Variants in HSF2BP observed in about 807,000 individuals in gnomAD.
The protein encoded by HSF2BP is heat shock transcription factor 2 binding protein.
HSF2BP carries 35 observed loss-of-function variants against 35.0 expected under a neutral mutation model. That is an observed-to-expected ratio of 1.00 (90% CI 0.76 to 1.32). The LOEUF is 1.32. Ranked by LOEUF, HSF2BP falls within the 40% of genes most tolerant of loss-of-function variation. The pLI is 0.00. For missense variants in HSF2BP, 326 were observed against 321.7 expected (o/e 1.01, Z -0.10); for synonymous variants, 114 against 117.4 (o/e 0.97, Z 0.18).
At chr21:43,634,346 C>T (rs1232240691) in intron 4 of HSF2BP, among the ~76,000 whole-genome samples, 1 of 152,180 alleles carries the variant, frequency 6.6e-6, no homozygotes, top group Non-Finnish European at 1.5e-5. Context: ...CCTCTCCAAC[C>T]ACCAGCACCA....
chr21:43,506,794 C>T, the HSF2BP span, among the ~76,000 whole-genome samples: 1 of 98,718 alleles, frequency 1.0e-5, no homozygotes, highest in Non-Finnish European at 2.4e-5. Flanking sequence ...GCCCCACAGC[C>T]ACCGCAGGCC....
chr21:43,635,758 A>C (rs1370629703), intron 4 of HSF2BP, among the ~76,000 whole-genome samples: 5 of 152,086 alleles, frequency 3.3e-5, no homozygotes, highest in African/African-American at 1.2e-4. Context: ...CTCTACTAAA[A>C]ATACAAAAGT....
intron 2 of HSF2BP, 66 bp downstream of exon 2, chr21:43,657,995 G>C (rs1407977957): frequency 6.5e-7 from 1 of 1,532,502 alleles, no homozygotes; most frequent in South Asian, 1.2e-5. Context: ...CACGGGGCGA[G>C]GCCCTGAGGG....
At chr21:43,613,380 C>T (rs1292524528) in intron 7 of HSF2BP, among the ~76,000 whole-genome samples, 1 of 152,188 alleles carries the variant, frequency 6.6e-6, no homozygotes, top group Admixed American at 6.5e-5. Flanking sequence ...TGAAAAGATC[C>T]CACCCTGGAA....
intron 4 of HSF2BP, among the ~76,000 whole-genome samples, chr21:43,642,227 C>T (rs1310263717): frequency 1.3e-5 from 2 of 152,066 alleles, no homozygotes; most frequent in African/African-American, 4.8e-5. Flanking sequence ...AGCTGGATGT[C>T]ATGGCACATC....
At chr21:43,606,014 T>A (rs1325731325) in intron 7 of HSF2BP, among the ~76,000 whole-genome samples, 1 of 151,536 alleles carries the variant, frequency 6.6e-6, no homozygotes, top group African/African-American at 2.4e-5. Flanking sequence ...GCGGCCACAC[T>A]CACACCCTTG....
At chr21:43,607,535 G>A (rs988326927) in intron 7 of HSF2BP, among the ~76,000 whole-genome samples, 5 of 152,104 alleles carry the variant, frequency 3.3e-5, no homozygotes, top group Admixed American at 2.6e-4. Context: ...GCAATCTACA[G>A]ATTCAATGCT....
At chr21:43,611,150 C>T (rs1311623847) in intron 7 of HSF2BP, among the ~76,000 whole-genome samples, 1 of 152,002 alleles carries the variant, frequency 6.6e-6, no homozygotes, top group Non-Finnish European at 1.5e-5. Context: ...GAAGGCTGAG[C>T]TGGGAGGATA....
At chr21:43,618,043 G>A (rs2082290571) in intron 6 of HSF2BP, among the ~76,000 whole-genome samples, 1 of 152,076 alleles carries the variant, frequency 6.6e-6, no homozygotes, top group South Asian at 2.1e-4. Flanking sequence ...AGGATCACTT[G>A]AGTCTAGAAG....
rs577715317 is a variant in HSF2BP at position 43,612,511 on chromosome 21, C to T, written c.692+1319G>A. ...CTAAAAATACAAAAAATTAGCTGGG[C>T]GTGGTGGCGGGCGCCTGTAGTCCCA... On this transcript the variant is annotated intron_variant, in intron 7 of 8. Coordinates refer to ENST00000291560, the MANE Select transcript of HSF2BP (RefSeq NM_007031.2). 2.2e-4 allele frequency among the ~76,000 whole-genome samples: 33 copies of T among 152,104 alleles called. 1 individual carries two copies. In the South Asian group the frequency reaches 4.2e-3, roughly 19 times the overall value.
Position 43,585,962 on chromosome 21 carries a change from G to A in HSF2BP, c.796+6263C>T, listed in dbSNP as rs192999657. 1.5e-3 allele frequency among the ~76,000 whole-genome samples: 235 copies of A among 152,296 alleles called. 2 individuals are homozygous for A. Among genetic ancestry groups the A allele is most frequent in the African/African-American group, 5.3e-3 (222 of 41,566 alleles). ...AGCTCAATCTATGAGGCTAGAGCTC[G>A]GGACAGAGGTCTGGGCTGAAGGCAC... On this transcript the variant is annotated intron_variant, in intron 8 of 8. Transcript: ENST00000291560.
intron 2 of HSF2BP, among the ~76,000 whole-genome samples, chr21:43,657,540 T>A (rs541729124): frequency 3.9e-5 from 6 of 152,154 alleles, no homozygotes; most frequent in Non-Finnish European, 8.8e-5. Context: ...ATTGTCTAGA[T>A]GGAAATTAAG....
intron 8 of HSF2BP, among the ~76,000 whole-genome samples, chr21:43,577,804 T>G (rs2081662761): frequency 6.6e-6 from 1 of 152,220 alleles, no homozygotes; most frequent in African/African-American, 2.4e-5. Context: ...GATCTGTTCC[T>G]GCCCCACCCT....
the HSF2BP span, among the ~76,000 whole-genome samples, chr21:43,467,743 C>G: frequency 1.1e-5 from 1 of 89,060 alleles, no homozygotes; most frequent in Non-Finnish European, 2.2e-5. Context: ...ACACCACAAA[C>G]CACACACCAC....
intron 7 of HSF2BP, among the ~76,000 whole-genome samples, chr21:43,607,910 C>T (rs1322016710): frequency 2.6e-5 from 4 of 152,174 alleles, no homozygotes; most frequent in Non-Finnish European, 5.9e-5. Context: ...ACGAATGAAA[C>T]TGGACCACTA....
intron 3 of HSF2BP, among the ~76,000 whole-genome samples, chr21:43,651,899 C>A (rs1447994478): frequency 6.6e-6 from 1 of 152,242 alleles, no homozygotes; most frequent in Non-Finnish European, 1.5e-5. Context: ...CTTGCCCAGT[C>A]CTCCCAAAGG....
intron 6 of HSF2BP, among the ~76,000 whole-genome samples, chr21:43,628,329 T>C (rs1331132601): frequency 6.6e-6 from 1 of 152,224 alleles, no homozygotes; most frequent in African/African-American, 2.4e-5. Flanking sequence ...AACACATGAA[T>C]GATAAGAACG....
intron 3 of HSF2BP, among the ~76,000 whole-genome samples, chr21:43,653,840 T>C (rs968070835): frequency 2.0e-5 from 3 of 152,074 alleles, no homozygotes; most frequent in Non-Finnish European, 4.4e-5. Context: ...ATCCATGAAG[T>C]AACACTCACA....
intron 3 of HSF2BP, among the ~76,000 whole-genome samples, chr21:43,648,585 G>A (rs1207031505): frequency 5.3e-5 from 8 of 151,892 alleles, no homozygotes; most frequent in Non-Finnish European, 1.2e-4. Flanking sequence ...TTCCCTGCCA[G>A]GATATGGATG....
Sources: gnomAD v4.1 joint callset for allele counts (sites outside exome capture counted in the v4.1 genomes callset) on GRCh38, gnomAD v4.1.1 for gene constraint, MANE v1.5 for transcripts, NCBI Gene and HGNC (gene_info 2026-07-23, HGNC 2026-07-21) for gene names.